The following NCOA1 variants were observed in gnomAD, a reference collection of about 807,000 sequenced individuals.
NCOA1 encodes the protein Hin-2 protein.
Under a neutral mutation model 150.9 loss-of-function variants are expected in NCOA1, and 35 were observed. The observed-to-expected ratio is 0.23, with a 90% CI of 0.18 to 0.31. The LOEUF is 0.31. Ranked by LOEUF, NCOA1 falls within the 10% of genes least tolerant of loss-of-function variation. The probability of loss-of-function intolerance (pLI) is 1.00; values close to 1 mark genes in which losing one functional copy is unlikely to be tolerated. For missense variants in NCOA1, 1,491 were observed against 1,749.3 expected (o/e 0.85, Z 2.63); for synonymous variants, 590 against 630.0 (o/e 0.94, Z 0.95).
chr2:24,584,852 A>G (rs902575896), intron 3 of NCOA1, among the ~76,000 whole-genome samples: 14 of 152,318 alleles, frequency 9.2e-5, no homozygotes, highest in Admixed American at 9.2e-4. Flanking sequence ...GCAGTATTTC[A>G]GACGTTTTTA....
intron 13 of NCOA1, among the ~76,000 whole-genome samples, chr2:24,710,057 C>A (rs574459214): frequency 2.6e-5 from 4 of 151,650 alleles, no homozygotes; most frequent in African/African-American, 9.7e-5. Context: ...GTAGGAACTC[C>A]CTATTTATTC....
At chr2:24,572,851 A>T (rs1411222605) in intron 2 of NCOA1, among the ~76,000 whole-genome samples, 1 of 152,188 alleles carries the variant, frequency 6.6e-6, no homozygotes, top group Non-Finnish European at 1.5e-5. Flanking sequence ...AAATTGCATC[A>T]CCAATTACTT....
intron 13 of NCOA1, among the ~76,000 whole-genome samples, chr2:24,708,135 T>G (rs1005355717): frequency 6.6e-6 from 1 of 152,144 alleles, no homozygotes; most frequent in African/African-American, 2.4e-5. Context: ...ATAAAATCAG[T>G]GTTCACATCT....
chr2:24,553,548 A>G (rs1665953558), intron 1 of NCOA1, among the ~76,000 whole-genome samples: 1 of 152,048 alleles, frequency 6.6e-6, no homozygotes, highest in African/African-American at 2.4e-5. Context: ...ATTAATTAAG[A>G]TGATCATTTA....
At chr2:24,514,339 CA>C (rs879319085) in intron 1 of NCOA1, among the ~76,000 whole-genome samples, 5 of 138,158 alleles carry the variant, frequency 3.6e-5, no homozygotes, top group African/African-American at 1.1e-4. Flanking sequence ...AGAAAAATAG[CA>C]AAATTTTTTT....
chr2:24,579,580 C>CA (rs1558809372), intron 2 of NCOA1, among the ~76,000 whole-genome samples: 1 of 152,134 alleles, frequency 6.6e-6, no homozygotes, highest in Non-Finnish European at 1.5e-5. Context: ...CGAAGACAGT[C>CA]ACAGAGAAGT....
chr2:24,753,044 C>A (rs955083143), intron 20 of NCOA1, among the ~76,000 whole-genome samples: 6 of 152,146 alleles, frequency 3.9e-5, no homozygotes, highest in Non-Finnish European at 7.4e-5. Context: ...AGACTATATT[C>A]TTCTAAAGTT....
intron 18 of NCOA1, 124 bp downstream of exon 18, chr2:24,739,657 TTTTC>T: frequency 1.6e-6 from 1 of 617,950 alleles, no homozygotes; most frequent in South Asian, 2.8e-5. Flanking sequence ...TGTAGTGTAG[TTTTC>T]TTTGAGAATG....
At position 24,741,765 on chromosome 2, in the gene NCOA1, G is replaced by T. The variant is rs1478721985; in HGVS notation, c.3304-19G>T. 11 of 1,593,866 alleles carry T rather than the reference G, an allele frequency of 6.9e-6. No individual in the cohort carries two copies. Among genetic ancestry groups the T allele is most frequent in the South Asian group, 5.7e-5 (5 of 88,116 alleles). ...TGATTATAATAATTTTAGTAAGTGA[G>T]TTTTTTCCTGCTTTTCAGCCACCCC... On this transcript the variant is annotated intron_variant, in intron 18 of 22. Transcript: ENST00000348332.
intron 11 of NCOA1, among the ~76,000 whole-genome samples, chr2:24,700,717 T>A (rs1195722895): frequency 1.3e-5 from 2 of 152,204 alleles, no homozygotes; most frequent in East Asian, 3.8e-4. Flanking sequence ...TTCAAAACTA[T>A]TACTTTAAAG....
chr2:24,519,226 TA>T (rs1055863360), intron 1 of NCOA1, among the ~76,000 whole-genome samples: 1 of 152,062 alleles, frequency 6.6e-6, no homozygotes. Context: ...AATTCAATCA[TA>T]AAAAGGAATG....
intron 11 of NCOA1, among the ~76,000 whole-genome samples, chr2:24,698,287 G>A (rs1672994361): frequency 6.6e-6 from 1 of 152,040 alleles, no homozygotes; most frequent in Admixed American, 6.6e-5. Context: ...TTTGGCTCTT[G>A]AAGATCATTC....
In NCOA1 at chr2:24,621,432, A is replaced by ATTTTTTTTTTT. The variant is rs1162282258; in HGVS notation, c.-174-22511_-174-22501dup. 1.3e-3 allele frequency among the ~76,000 whole-genome samples: 49 copies of ATTTTTTTTTTT among 38,894 alleles called. 12 individuals carry two copies. The highest frequency in any genetic ancestry group is 2.4e-3 in the African/African-American group (21 of 8,606). The allele number at this position is 38,894 out of a possible 152,430, so 25.5% of individuals were successfully genotyped here. ...TTGTGTTATGTGTGTATTCAGGCAGATTTTTTTTTTTTTTTTTTTTTTTTT... is the reference window on the plus strand; with the variant it reads ...TTGTGTTATGTGTGTATTCAGGCAGATTTTTTTTTTTTTTTTTTTTTTTTTTTTTTTTTTTT... On this transcript the variant is annotated intron_variant, in intron 3 of 22. Coordinates refer to ENST00000348332, the MANE Select transcript of NCOA1 (RefSeq NM_003743.5).
intron 6 of NCOA1, among the ~76,000 whole-genome samples, chr2:24,667,707 C>G (rs1306139466): frequency 1.3e-5 from 2 of 152,172 alleles, no homozygotes; most frequent in Non-Finnish European, 2.9e-5. Flanking sequence ...TCCTCACACT[C>G]TCTGCCCTGA....
rs749655366 is a variant in NCOA1 at position 24,758,012 on chromosome 2, A to G, written c.3921A>G (p.Ala1307=). 2.5e-6 allele frequency: 4 copies of G among 1,614,164 alleles called. No individual in the cohort carries two copies. The highest frequency in any genetic ancestry group is 3.4e-6 in the Non-Finnish European group (4 of 1,180,018). ...SQAVQNQPTP[A]QPGVYNNMSI... ...CTGTCCAGAACCAGCCCACGCCTGC[A>G]CAGCCAGGAGTATACAACAACATGA... The change falls in exon 21 of 23, where the codon GCA becomes GCG. Residue 1307 remains alanine, a synonymous_variant. Transcript: ENST00000348332.
At position 24,729,772 on chromosome 2, in the gene NCOA1, A is replaced by G; in HGVS notation, c.3158A>G (p.Gln1053Arg). Reference protein sequence around the residue: ...TLNRPPAAPNQLRLQLQQRLQ... With the variant: ...TLNRPPAAPNRLRLQLQQRLQ... ...AACAGACCTCCGGCTGCACCTAACC[A>G]GCTTCGACTTCAACTACAGCAGCGA... Residue 1053 changes from glutamine (Q) to arginine (R), a missense_variant, in exon 17 of 23, where the codon CAG (glutamine) becomes CGG (arginine). Physicochemically the swap from Gln to Arg is conservative, Grantham distance 43. Coordinates refer to ENST00000348332, the MANE Select transcript of NCOA1 (RefSeq NM_003743.5). The G allele has an allele frequency of 6.2e-7, 1 of 1,614,040 alleles. No homozygotes were observed. Among genetic ancestry groups the G allele is most frequent in the Non-Finnish European group, 8.5e-7 (1 of 1,179,950 alleles).
chr2:24,492,498 G>T (rs1055678456), intron 1 of NCOA1, among the ~76,000 whole-genome samples: 1 of 152,170 alleles, frequency 6.6e-6, no homozygotes, highest in African/African-American at 2.4e-5. Context: ...AGAGGGAGAC[G>T]GAGGGGTTGA....
chr2:24,683,699 A>G (rs542348469), intron 8 of NCOA1, among the ~76,000 whole-genome samples: 1 of 152,166 alleles, frequency 6.6e-6, no homozygotes, highest in South Asian at 2.1e-4. Flanking sequence ...TAATTCTTGT[A>G]AAGGCATGGA....
At chr2:24,622,833 C>T (rs1669230418) in intron 3 of NCOA1, among the ~76,000 whole-genome samples, 1 of 152,010 alleles carries the variant, frequency 6.6e-6, no homozygotes, top group South Asian at 2.1e-4. Flanking sequence ...ATGGTTTCTC[C>T]TAGTAGGTTG....
Sources: allele counts gnomAD v4.1 joint callset (sites outside exome capture counted in the v4.1 genomes callset), GRCh38; gene constraint gnomAD v4.1.1; transcripts MANE v1.5; gene names NCBI Gene and HGNC (gene_info 2026-07-23, HGNC 2026-07-21).